The following ISCA1 variants were observed in gnomAD, a reference collection of about 807,000 sequenced individuals.
The protein encoded by ISCA1 is iron-sulfur cluster assembly 1 homolog, mitochondrial.
ISCA1 carries 9 observed loss-of-function variants against 14.7 expected under a neutral mutation model. That is an observed-to-expected ratio of 0.61 (90% CI 0.37 to 1.07). The LOEUF is 1.07. Among genes scored for constraint, ISCA1 ranks in the 50% least tolerant of loss-of-function variants. The probability of loss-of-function intolerance (pLI) is 0.01; values close to 1 mark genes in which losing one functional copy is unlikely to be tolerated. For missense variants in ISCA1, 102 were observed against 150.1 expected, an observed-to-expected ratio of 0.68 and a Z score of 1.67; for synonymous variants, 38 against 54.3, an observed-to-expected ratio of 0.70 and a Z score of 1.32.
chr9:86,275,018 T>C (rs1825422946), intron 1 of ISCA1, among the ~76,000 whole-genome samples: 1 of 152,190 alleles, frequency 6.6e-6, no homozygotes, highest in Non-Finnish European at 1.5e-5. Flanking sequence ...AAGGAGACTG[T>C]TCCCCGACAT....
At position 86,265,352 on chromosome 9, in the gene ISCA1, G is replaced by T. The variant is rs994260010; in HGVS notation, c.*691C>A. ...TTCCTCACATAGGGAATTGATGGAGGTGGGCTAGATGGCTTTAAGAGACTT... is the reference window on the plus strand; with the variant it reads ...TTCCTCACATAGGGAATTGATGGAGTTGGGCTAGATGGCTTTAAGAGACTT... On this transcript the variant is annotated 3_prime_UTR_variant, in exon 4 of 4. Transcript: ENST00000375991. 1 of 152,194 alleles carries T rather than the reference G, an allele frequency of 6.6e-6. No homozygotes were observed. Among genetic ancestry groups the T allele is most frequent in the Non-Finnish European group, 1.5e-5 (1 of 68,130 alleles). The allele number at this position is 152,194 out of a possible 1,614,324, so 9.4% of individuals were successfully genotyped here.
chr9:86,266,387 T>G (rs1825293373), intron 3 of ISCA1, among the ~76,000 whole-genome samples, 196 bp from the exon 4 acceptor site: 1 of 152,236 alleles, frequency 6.6e-6, no homozygotes, highest in Non-Finnish European at 1.5e-5. Flanking sequence ...TGAATTTATG[T>G]CACAATCACA....
At chr9:86,275,969 G>A (rs962255486) in intron 1 of ISCA1, among the ~76,000 whole-genome samples, 3 of 152,150 alleles carry the variant, frequency 2.0e-5, no homozygotes, top group East Asian at 3.8e-4. Context: ...GACTGGTTTC[G>A]TGGAAGACAA....
Position 86,266,162 on chromosome 9 carries a change from G to T in ISCA1, c.271C>A (p.Gln91Lys). The T allele has an allele frequency of 1.2e-6, 2 of 1,609,304 alleles. No individual in the cohort carries two copies. Among genetic ancestry groups the T allele is most frequent in the Non-Finnish European group, 1.7e-6 (2 of 1,178,410 alleles). Residue 91 changes from glutamine to lysine, a missense_variant, in exon 4 of 4, where the codon CAG (glutamine) becomes AAG (lysine). Gln to Lys is a moderately conservative substitution (Grantham distance 53). Transcript: ENST00000375991. ...GVRVFIEKKA[Q>K]LTLLGTEMDY... ...ATTTCTGTTCCTAAAAGTGTTAGCT[G>T]TGCTTTCTTTTCGATGAATACTCTG...
chr9:86,274,630 C>G (rs1053105782), intron 1 of ISCA1, among the ~76,000 whole-genome samples: 2 of 152,124 alleles, frequency 1.3e-5, no homozygotes, highest in Non-Finnish European at 2.9e-5. Flanking sequence ...AAGTATCTCA[C>G]TGGGAAGGCC....
At position 86,276,392 on chromosome 9, in the gene ISCA1, C is replaced by G. The variant is rs907429746; in HGVS notation, c.82-2150G>C. Among the ~76,000 whole-genome samples the G allele has an allele frequency of 2.0e-5, 3 of 152,144 alleles. No homozygotes were observed. The East Asian group carries it at 5.8e-4, about 29-fold the overall frequency. ...GCCATGGACCAGTACCAGTCTGTAG[C>G]GCAGGGACTGGGGACCCCTGTTCTA... On this transcript the variant is annotated intron_variant, in intron 1 of 3. Transcript: ENST00000375991.
Position 86,282,492 on chromosome 9 carries a change from G to A in ISCA1, c.-34C>T. 2 of 1,550,106 alleles carry A rather than the reference G, an allele frequency of 1.3e-6. No homozygotes were observed. Among genetic ancestry groups the A allele is most frequent in the Non-Finnish European group, 8.7e-7 (1 of 1,146,782 alleles). ...TCCCGGCGCCCCGGTGCCTCGGGCCGAAGGTCGGCCGCCTCAGCTTCTCTC... is the reference window on the plus strand; with the variant it reads ...TCCCGGCGCCCCGGTGCCTCGGGCCAAAGGTCGGCCGCCTCAGCTTCTCTC... On this transcript the variant is annotated 5_prime_UTR_variant, in exon 1 of 4. Transcript: ENST00000375991.
In ISCA1 at chr9:86,272,124, G is replaced by A; in HGVS notation, c.136-12C>T. ...ACTTTTACACCTACCTGAAAAAGAA[G>A]TGAAAATATAAACTTGGTTTTAAAG... On this transcript the variant is annotated splice_polypyrimidine_tract_variant and intron_variant, in intron 2 of 3. Coordinates refer to ENST00000375991, the MANE Select transcript of ISCA1 (RefSeq NM_030940.4). 6.6e-7 allele frequency: 1 copy of A among 1,504,068 alleles called. No individual in the cohort carries two copies. The highest frequency in any genetic ancestry group is 9.2e-7 in the Non-Finnish European group (1 of 1,081,266). The allele number at this position is 1,504,068 out of a possible 1,614,324, so 93.2% of individuals were successfully genotyped here.
chr9:86,275,872 C>A (rs192964394), intron 1 of ISCA1, among the ~76,000 whole-genome samples: 1 of 152,072 alleles, frequency 6.6e-6, no homozygotes, highest in Admixed American at 6.6e-5. Flanking sequence ...AGAATACCAA[C>A]TTTAAATAGT....
chr9:86,276,003 G>C (rs1479393706), intron 1 of ISCA1, among the ~76,000 whole-genome samples: 1 of 152,132 alleles, frequency 6.6e-6, no homozygotes, highest in Non-Finnish European at 1.5e-5. Context: ...AAGGGGAATG[G>C]TTTCTGAATG....
chr9:86,269,489 C>A (rs1183016126), intron 3 of ISCA1, among the ~76,000 whole-genome samples: 2 of 151,926 alleles, frequency 1.3e-5, no homozygotes, highest in East Asian at 3.9e-4. Context: ...TAGGAAGAAT[C>A]AATATCGTGA....
chr9:86,280,594 CAAAAAAAA>C (rs59525482), intron 1 of ISCA1, among the ~76,000 whole-genome samples: 3 of 97,866 alleles, frequency 3.1e-5, no homozygotes, highest in Non-Finnish European at 6.3e-5. Context: ...AACCCTGTCT[CAAAAAAAA>C]AAAAAAAAAA....
rs543110042 is a variant in ISCA1 at position 86,279,806 on chromosome 9, C to A, written c.81+2572G>T. Among the ~76,000 whole-genome samples, 4 of 152,324 alleles carry A rather than the reference C, an allele frequency of 2.6e-5. No homozygotes were observed. The South Asian group carries it at 8.3e-4, about 32-fold the overall frequency. On this transcript the variant is annotated intron_variant, in intron 1 of 3. Transcript: ENST00000375991. ...ATCACTACTTTTGCACTTGACGATA[C>A]ATGCTGATGATAAACTAAGCACAAA...
In ISCA1 at chr9:86,266,154, T is replaced by A; in HGVS notation, c.279A>T (p.Thr93=). The A allele has an allele frequency of 6.2e-7, 1 of 1,610,246 alleles. No individual in the cohort carries two copies. The highest frequency in any genetic ancestry group is 8.5e-7 in the Non-Finnish European group (1 of 1,178,768). Residue 93 remains threonine, a synonymous_variant, in exon 4 of 4, where the codon ACA becomes ACT. Coordinates refer to ENST00000375991, the MANE Select transcript of ISCA1 (RefSeq NM_030940.4). ...CATAGTCCATTTCTGTTCCTAAAAG[T>A]GTTAGCTGTGCTTTCTTTTCGATGA... The part of the protein sequence containing the change: ...RVFIEKKAQL[T]LLGTEMDYVE...
intron 3 of ISCA1, among the ~76,000 whole-genome samples, chr9:86,271,071 A>C (rs1825362926): frequency 6.6e-6 from 1 of 151,376 alleles, no homozygotes; most frequent in Non-Finnish European, 1.5e-5. Flanking sequence ...GTGCACATGT[A>C]CCCTAAAACT....
chr9:86,267,209 A>G (rs1211771923), intron 3 of ISCA1: 2 of 489,350 alleles, frequency 4.1e-6, no homozygotes, highest in African/African-American at 2.1e-5. Context: ...TGGGTAAGAG[A>G]GCAAGACTCT....
At chr9:86,271,926 CTTA>C in intron 3 of ISCA1, 78 bp downstream of exon 3, 1 of 751,646 alleles carries the variant, frequency 1.3e-6, no homozygotes, top group Non-Finnish European at 2.3e-6. Flanking sequence ...TGCTACTATC[CTTA>C]TTTTTTACTT....
At chr9:86,273,308 C>T (rs1056839997) in intron 2 of ISCA1, among the ~76,000 whole-genome samples, 1 of 152,220 alleles carries the variant, frequency 6.6e-6, no homozygotes, top group Non-Finnish European at 1.5e-5. Flanking sequence ...ATGATACACA[C>T]ATCCCTAACT....
At chr9:86,275,114 A>G (rs1397024208) in intron 1 of ISCA1, among the ~76,000 whole-genome samples, 2 of 152,186 alleles carry the variant, frequency 1.3e-5, no homozygotes, top group South Asian at 4.1e-4. Context: ...TGAAACAGGG[A>G]TAACAGTTCC....
Sources: allele counts gnomAD v4.1 joint callset (sites outside exome capture counted in the v4.1 genomes callset), GRCh38; gene constraint gnomAD v4.1.1; transcripts MANE v1.5; gene names NCBI Gene and HGNC (gene_info 2026-07-23, HGNC 2026-07-21).